Variants in CCDC7 observed in about 807,000 individuals in gnomAD.
CCDC7 encodes the protein coiled-coil domain containing 7.
Under a neutral mutation model 196.9 loss-of-function variants are expected in CCDC7, and 183 were observed. The observed-to-expected ratio is 0.93, with a 90% confidence interval of 0.82 to 1.05. The LOEUF is 1.05. Among genes scored for constraint, CCDC7 ranks in the 50% least tolerant of loss-of-function variants. CCDC7 has a pLI of 0.00. For missense variants in CCDC7, 1,540 were observed against 1,482.2 expected, an observed-to-expected ratio of 1.04 and a Z score of -0.64; for synonymous variants, 525 against 484.6, an observed-to-expected ratio of 1.08 and a Z score of -1.10.
chr10:32,693,330 A>G (rs1308067667), intron 23 of CCDC7, among the ~76,000 whole-genome samples: 1 of 152,150 alleles, frequency 6.6e-6, no homozygotes, highest in Non-Finnish European at 1.5e-5. Context: ...GGTAACCAAT[A>G]ACATTGTTTC....
intron 41 of CCDC7, among the ~76,000 whole-genome samples, chr10:32,858,262 G>T (rs752632575): frequency 9.2e-5 from 14 of 152,212 alleles, no homozygotes; most frequent in East Asian, 5.8e-4. Flanking sequence ...CAAAAAAATC[G>T]CACTAGAAGG....
intron 29 of CCDC7, among the ~76,000 whole-genome samples, chr10:32,784,426 G>A (rs1482396146): frequency 1.3e-5 from 2 of 152,090 alleles, no homozygotes; most frequent in Non-Finnish European, 2.9e-5. Flanking sequence ...CCCTCCCTGT[G>A]TCCATGTGTT....
chr10:32,691,959 G>GCACTGT (rs750244078), intron 23 of CCDC7, among the ~76,000 whole-genome samples: 16 of 152,138 alleles, frequency 1.1e-4, no homozygotes, highest in Non-Finnish European at 1.9e-4. Flanking sequence ...GGCAATATGG[G>GCACTGT]CACTGTCAAG....
At chr10:32,823,016 A>G (rs1445155685) in intron 31 of CCDC7, among the ~76,000 whole-genome samples, 2 of 152,200 alleles carry the variant, frequency 1.3e-5, no homozygotes, top group Non-Finnish European at 2.9e-5. Context: ...TTTCTTACTT[A>G]TATCTGTAAG....
In CCDC7 at chr10:32,685,961, T is replaced by C. The variant is rs1239337390; in HGVS notation, c.2123-9T>C. ...TATTTAGTGGAATAAATGTATTTTC[T>C]TTATGTAGCTCATAATGAAGTACCA... On this transcript the variant is annotated splice_polypyrimidine_tract_variant and intron_variant, in intron 21 of 41. Transcript: ENST00000639629. 6.8e-7 allele frequency: 1 copy of C among 1,472,304 alleles called. No individual in the cohort carries two copies. Among genetic ancestry groups the C allele is most frequent in the African/African-American group, 1.4e-5 (1 of 70,192 alleles). The allele number at this position is 1,472,304 out of a possible 1,614,324, so 91.2% of individuals were successfully genotyped here.
intron 16 of CCDC7, among the ~76,000 whole-genome samples, chr10:32,581,375 A>G (rs1022669206): frequency 6.6e-6 from 1 of 152,138 alleles, no homozygotes; most frequent in Non-Finnish European, 1.5e-5. Flanking sequence ...TTGTGGCTAT[A>G]GGCTGCCTTC....
chr10:32,446,010 T>C (rs1481000382), upstream of CCDC7: 1 of 152,238 alleles, frequency 6.6e-6, no homozygotes, highest in Non-Finnish European at 1.5e-5. Context: ...ATTATTAACC[T>C]TCCGGCAAAT....
At chr10:32,848,019 G>A in intron 38 of CCDC7, 103 bp downstream of exon 39, 1 of 598,778 alleles carries the variant, frequency 1.7e-6, no homozygotes, top group South Asian at 3.3e-5. Flanking sequence ...TATTTCATGG[G>A]CAAATGTCTT....
At chr10:32,679,812 C>G (rs193298435) in intron 21 of CCDC7, among the ~76,000 whole-genome samples, 2 of 152,276 alleles carry the variant, frequency 1.3e-5, no homozygotes, top group East Asian at 3.9e-4. Context: ...ATGGTTTATG[C>G]ATGGATGACA....
At chr10:32,684,332 C>T (rs766033511) in intron 21 of CCDC7, among the ~76,000 whole-genome samples, 11 of 152,120 alleles carry the variant, frequency 7.2e-5, no homozygotes, top group South Asian at 2.1e-4. Context: ...AGCGGCTCTG[C>T]GGAGACTCCA....
rs776474332 is a variant in CCDC7, at chr10:32,686,028, A to C, written c.2181A>C (p.Lys727Asn). 26 of 1,589,372 alleles carry C rather than the reference A, an allele frequency of 1.6e-5. No homozygotes were observed. The East Asian group carries it at 5.7e-4, about 35-fold the overall frequency. ...TTGAGCATCAAGAATCATTGTCAAA[A>C]ACCAAATTACAAATAAAGAAACAAG... Residue 727 changes from lysine to asparagine, a missense_variant, in exon 22 of 42, where the codon AAA (lysine) becomes AAC (asparagine). By Grantham distance (94) the Lys-to-Asn change is moderately conservative. Transcript: ENST00000639629.
chr10:32,721,244 C>T (rs1174509510), intron 25 of CCDC7, among the ~76,000 whole-genome samples: 1 of 152,130 alleles, frequency 6.6e-6, no homozygotes, highest in East Asian at 1.9e-4. Flanking sequence ...CACCAATGTC[C>T]AATAACAGGC....
chr10:32,553,303 TTGAG>T (rs1333263023), intron 13 of CCDC7, among the ~76,000 whole-genome samples: 3 of 152,120 alleles, frequency 2.0e-5, no homozygotes, highest in Admixed American at 6.6e-5. Flanking sequence ...TTCTATTTTC[TTGAG>T]TATTTCTCCC....
intron 28 of CCDC7, among the ~76,000 whole-genome samples, chr10:32,753,176 C>CA (rs2075920595): frequency 6.6e-6 from 1 of 152,056 alleles, no homozygotes; most frequent in Admixed American, 6.6e-5. Flanking sequence ...CCAATGGACT[C>CA]AAAATCAGAA....
intron 38 of CCDC7, among the ~76,000 whole-genome samples, chr10:32,848,156 G>A (rs2093390474): frequency 6.6e-6 from 1 of 152,020 alleles, no homozygotes; most frequent in South Asian, 2.1e-4. Context: ...TTAAATAAAT[G>A]TTTTCTACAA....
At chr10:32,731,540 A>G (rs1329297400) in intron 28 of CCDC7, among the ~76,000 whole-genome samples, 1 of 152,140 alleles carries the variant, frequency 6.6e-6, no homozygotes, top group East Asian at 1.9e-4. Context: ...TGTGTCACAT[A>G]TGTTATAAAA....
chr10:32,738,403 C>A (rs1319787686), intron 28 of CCDC7, among the ~76,000 whole-genome samples: 1 of 150,822 alleles, frequency 6.6e-6, no homozygotes, highest in East Asian at 1.9e-4. Flanking sequence ...ACATTGTTAC[C>A]ATTATTATTA....
intron 24 of CCDC7, among the ~76,000 whole-genome samples, chr10:32,698,078 C>T (rs980844944): frequency 7.9e-5 from 12 of 152,082 alleles, no homozygotes; most frequent in African/African-American, 2.9e-4. Flanking sequence ...TGGAGTGGAC[C>T]TCCAGCAAGC....
chr10:32,454,045 A>T (rs545415948), intron 2 of CCDC7, among the ~76,000 whole-genome samples: 2 of 152,368 alleles, frequency 1.3e-5, no homozygotes, highest in South Asian at 4.1e-4. Flanking sequence ...CTACTGACAC[A>T]TAGAACAATG....
Sources: gnomAD v4.1 joint callset for allele counts (sites outside exome capture counted in the v4.1 genomes callset) on GRCh38, gnomAD v4.1.1 for gene constraint, MANE v1.5 for transcripts, NCBI Gene and HGNC (gene_info 2026-07-23, HGNC 2026-07-21) for gene names.